GNB4: variants seen among roughly 807,000 people sequenced by gnomAD.
GNB4 encodes G protein subunit beta 4.
In GNB4, 28 loss-of-function variants were observed where a neutral mutation model predicts 45.2. The ratio of observed to expected loss-of-function variants is 0.62; its 90% CI spans 0.46 to 0.85. GNB4 has a LOEUF of 0.85. Ranked by LOEUF, GNB4 falls within the 40% of genes least tolerant of loss-of-function variation. The pLI, the probability that GNB4 is intolerant of heterozygous loss-of-function variation, is 0.00. For missense variants in GNB4, 321 were observed against 425.4 expected (o/e 0.75, Z 2.16); for synonymous variants, 132 against 143.7 (o/e 0.92, Z 0.58).
At chr3:179,445,473 A>G (rs1459379695) in intron 1 of GNB4, among the ~76,000 whole-genome samples, 1 of 152,042 alleles carries the variant, frequency 6.6e-6, no homozygotes, top group Non-Finnish European at 1.5e-5. Flanking sequence ...TTTTGTAGAG[A>G]TGGGGTTTCA....
At chr3:179,449,538 G>C (rs1007304658) in intron 1 of GNB4, among the ~76,000 whole-genome samples, 1 of 152,098 alleles carries the variant, frequency 6.6e-6, no homozygotes, top group African/African-American at 2.4e-5. Context: ...GGAAACAGAG[G>C]GGTCTTGCTT....
intron 2 of GNB4, among the ~76,000 whole-genome samples, chr3:179,422,353 G>C (rs1037476951): frequency 6.6e-6 from 1 of 151,944 alleles, no homozygotes; most frequent in Non-Finnish European, 1.5e-5. Context: ...AAGGCCAGGC[G>C]TGATGGCTCA....
intron 1 of GNB4, among the ~76,000 whole-genome samples, chr3:179,435,310 C>T (rs1001738084): frequency 2.0e-5 from 3 of 152,054 alleles, no homozygotes; most frequent in African/African-American, 7.2e-5. Context: ...CTTAATTATT[C>T]CTTCTTTTTA....
chr3:179,405,723 A>ATG (rs71836194), intron 8 of GNB4: 41 of 183,084 alleles, frequency 2.2e-4, no homozygotes, highest in Admixed American at 4.5e-4. Context: ...TAGAATATAT[A>ATG]TGTGTGTGTG....
the GNB4 span, among the ~76,000 whole-genome samples, chr3:179,485,844 G>A: frequency 6.6e-6 from 1 of 152,176 alleles, no homozygotes; most frequent in Non-Finnish European, 1.5e-5. Flanking sequence ...GGAGGCTGAG[G>A]CAGGAGAATC....
the GNB4 span, among the ~76,000 whole-genome samples, chr3:179,525,354 G>T: frequency 6.6e-6 from 1 of 152,150 alleles, no homozygotes; most frequent in Non-Finnish European, 1.5e-5. Context: ...AGTTGAAGAG[G>T]TTTTAAGTTT....
chr3:179,417,246 G>C (rs1292911666), intron 4 of GNB4, among the ~76,000 whole-genome samples: 1 of 152,152 alleles, frequency 6.6e-6, no homozygotes, highest in African/African-American at 2.4e-5. Flanking sequence ...AATACACTGA[G>C]TGTTGTTTCA....
Position 179,396,248 on chromosome 3 carries a change from A to G in GNB4, c.*4965T>C, listed in dbSNP as rs371140912. 4 of 152,242 alleles carry G rather than the reference A, an allele frequency of 2.6e-5. No homozygotes were observed. Among genetic ancestry groups the G allele is most frequent in the Admixed American group, 6.5e-5 (1 of 15,286 alleles). The allele number at this position is 152,242 out of a possible 1,614,324, so 9.4% of individuals were successfully genotyped here. ...ATGGTTTAGAGCTTTAAGAGCCTTA[A>G]TCTAACACGTTTACCCTTCCCATAA... On this transcript the variant is annotated 3_prime_UTR_variant, in exon 10 of 10. Transcript: ENST00000232564.
rs1414356214 is a variant in GNB4 at position 179,399,666 on chromosome 3, T to C, written c.*1547A>G. The C allele has an allele frequency of 6.6e-6, 1 of 152,224 alleles. No individual in the cohort carries two copies. Among genetic ancestry groups the C allele is most frequent in the East Asian group, 1.9e-4 (1 of 5,202 alleles). The allele number at this position is 152,224 out of a possible 1,614,324, so 9.4% of individuals were successfully genotyped here. A position where few individuals can be genotyped will look rare whatever the true frequency, so the allele number is the denominator to read the frequency against. On this transcript the variant is annotated 3_prime_UTR_variant, in exon 10 of 10. Coordinates refer to ENST00000232564, the MANE Select transcript of GNB4 (RefSeq NM_021629.4). ...GATACATCTTTACAGTTGATGCACA[T>C]ATTAGCACATTCACAACATAAAAAC...
chr3:179,468,035 A>AAAAATATATATATATATATATATATATAT, the GNB4 span, among the ~76,000 whole-genome samples: 5 of 89,846 alleles, frequency 5.6e-5, no homozygotes, highest in African/African-American at 1.2e-4. Context: ...TGTTGATAAA[A>AAAAATATATATATATATATATATATATAT]ATATATATAT....
At chr3:179,514,992 A>G in the GNB4 span, among the ~76,000 whole-genome samples, 1 of 152,176 alleles carries the variant, frequency 6.6e-6, no homozygotes, top group Non-Finnish European at 1.5e-5. Context: ...TTCTCCAGTT[A>G]AATAAGTGAG....
chr3:179,432,538 C>G (rs898367461), intron 1 of GNB4, among the ~76,000 whole-genome samples: 1 of 152,098 alleles, frequency 6.6e-6, no homozygotes, highest in African/African-American at 2.4e-5. Flanking sequence ...AAAAAAAGGC[C>G]ATAGGATGCC....
chr3:179,412,238 TGG>T (rs1471587692), intron 8 of GNB4, among the ~76,000 whole-genome samples: 1 of 151,832 alleles, frequency 6.6e-6, no homozygotes, highest in Non-Finnish European at 1.5e-5. Flanking sequence ...AAGACTGAGG[TGG>T]GAGGATCGCT....
At chr3:179,472,948 G>C in the GNB4 span, among the ~76,000 whole-genome samples, 2 of 152,188 alleles carry the variant, frequency 1.3e-5, no homozygotes, top group African/African-American at 2.4e-5. Flanking sequence ...CAGATCACGA[G>C]GTTAGGAGAT....
the GNB4 span, among the ~76,000 whole-genome samples, chr3:179,522,470 C>G: frequency 2.8e-5 from 4 of 142,870 alleles, no homozygotes; most frequent in African/African-American, 9.2e-5. Context: ...TCTCTTCGCA[C>G]GGACGCGAGT....
intron 8 of GNB4, chr3:179,405,921 T>A (rs1577025310): frequency 6.6e-6 from 1 of 152,364 alleles, no homozygotes; most frequent in East Asian, 1.9e-4. Context: ...TCAACATTAT[T>A]AAATAACACT....
intron 3 of GNB4, among the ~76,000 whole-genome samples, chr3:179,420,634 G>C (rs1714951648): frequency 6.6e-6 from 1 of 151,890 alleles, no homozygotes; most frequent in African/African-American, 2.4e-5. Flanking sequence ...TTTTAGTAGA[G>C]ATGAGGTTTT....
chr3:179,464,328 C>A, the GNB4 span: 2 of 677,510 alleles, frequency 3.0e-6, no homozygotes, highest in Middle Eastern at 2.7e-4. Context: ...GGTCCCGGCG[C>A]AGTCACCGGC....
chr3:179,500,125 G>A, the GNB4 span, among the ~76,000 whole-genome samples: 3 of 152,220 alleles, frequency 2.0e-5, no homozygotes, highest in African/African-American at 7.2e-5. Flanking sequence ...TGTTGCCATT[G>A]CTTTTGGTGT....
Sources: allele counts gnomAD v4.1 joint callset (sites outside exome capture counted in the v4.1 genomes callset), GRCh38; gene constraint gnomAD v4.1.1; transcripts MANE v1.5; gene names NCBI Gene and HGNC (gene_info 2026-07-23, HGNC 2026-07-21).